The following SORCS2 variants were observed in gnomAD, a reference collection of about 807,000 sequenced individuals.
SORCS2 encodes the protein VPS10 domain-containing receptor SorCS2.
Under a neutral mutation model 141.6 loss-of-function variants are expected in SORCS2, and 100 were observed. The ratio of observed to expected loss-of-function variants is 0.71; its 90% confidence interval spans 0.60 to 0.83. The LOEUF (loss-of-function observed/expected upper bound fraction) is 0.83. Ranked by LOEUF, SORCS2 falls within the 40% of genes least tolerant of loss-of-function variation. The pLI, the probability that SORCS2 is intolerant of heterozygous loss-of-function variation, is 0.00. For missense variants in SORCS2, 1,646 were observed against 1,560.2 expected (o/e 1.05, Z -0.93); for synonymous variants, 789 against 676.9 (o/e 1.17, Z -2.57).
chr4:7,572,306 A>G (rs1426697588), intron 3 of SORCS2, among the ~76,000 whole-genome samples: 4 of 152,172 alleles, frequency 2.6e-5, no homozygotes, highest in African/African-American at 4.8e-5. Flanking sequence ...TATATATATG[A>G]TATTAACATA....
At chr4:7,621,585 TTATGTGTGTGTC>T (rs1421818226) in intron 3 of SORCS2, among the ~76,000 whole-genome samples, 2 of 151,724 alleles carry the variant, frequency 1.3e-5, no homozygotes, top group Non-Finnish European at 2.9e-5. Flanking sequence ...ATGTGTGTGT[TTATGTGTGTGTC>T]TATGTGTGTG....
At chr4:7,299,487 A>C (rs1287536125) in intron 1 of SORCS2, among the ~76,000 whole-genome samples, 1 of 152,224 alleles carries the variant, frequency 6.6e-6, no homozygotes, top group Non-Finnish European at 1.5e-5. Flanking sequence ...GAACAGCTGG[A>C]GATATCTTCT....
In SORCS2 at chr4:7,370,647, G is replaced by A. The variant is rs147691188; in HGVS notation, c.481-25641G>A. On this transcript the variant is annotated intron_variant, in intron 1 of 26. Coordinates refer to ENST00000507866, the MANE Select transcript of SORCS2 (RefSeq NM_020777.3). ...CCTTGTGGGGCTCTTCCCCTGGCGC[G>A]GCCCCTGCCTGCCGGTGGCGGGGTG... 3.3e-5 allele frequency among the ~76,000 whole-genome samples: 5 copies of A among 152,302 alleles called. No homozygotes were observed. The East Asian group carries it at 7.7e-4, about 24-fold the overall frequency.
Position 7,426,817 on chromosome 4 carries a change from G to A in SORCS2, c.548+30462G>A, listed in dbSNP as rs565818248. On this transcript the variant is annotated intron_variant, in intron 2 of 26. Coordinates refer to ENST00000507866, the MANE Select transcript of SORCS2 (RefSeq NM_020777.3). ...TGGTGAGGCGAGGCCCTCCCGCACC[G>A]GCAGTGAAGCCCGTGTTTCTCTGCA... Among the ~76,000 whole-genome samples the A allele has an allele frequency of 7.2e-5, 11 of 152,282 alleles. No homozygotes were observed. In the South Asian group the frequency reaches 1.7e-3, roughly 23 times the overall value.
At chr4:7,473,386 A>G (rs1331405011) in intron 2 of SORCS2, among the ~76,000 whole-genome samples, 2 of 152,070 alleles carry the variant, frequency 1.3e-5, no homozygotes, top group African/African-American at 2.4e-5. Context: ...GATTGGGTAT[A>G]CGGATGCCCA....
At chr4:7,440,656 C>G (rs61365943) in intron 2 of SORCS2, among the ~76,000 whole-genome samples, 69,784 of 152,076 alleles carry the variant, frequency 0.46, 16,324 homozygotes, top group Middle Eastern at 0.54. Context: ...TCTCCCATCC[C>G]CTCTGCCTGG....
At chr4:7,712,951 C>T (rs1361441887) in intron 15 of SORCS2, 98 bp downstream of exon 15, 2 of 1,486,428 alleles carry the variant, frequency 1.3e-6, no homozygotes. Context: ...GGCCGCAGGG[C>T]ACCTCCCCGC....
intron 6 of SORCS2, among the ~76,000 whole-genome samples, chr4:7,662,017 G>T (rs948150519): frequency 1.3e-5 from 2 of 152,186 alleles, no homozygotes; most frequent in African/African-American, 2.4e-5. Flanking sequence ...ACCTGAGCCA[G>T]GATGTGTCCC....
intron 1 of SORCS2, among the ~76,000 whole-genome samples, chr4:7,308,246 G>C (rs1317038206): frequency 6.6e-6 from 1 of 152,180 alleles, no homozygotes; most frequent in Non-Finnish European, 1.5e-5. Flanking sequence ...ATGGAGGTCA[G>C]TGCCCGGTGG....
At chr4:7,630,502 T>C (rs1461610495) in intron 3 of SORCS2, among the ~76,000 whole-genome samples, 2 of 152,178 alleles carry the variant, frequency 1.3e-5, no homozygotes, top group African/African-American at 2.4e-5. Context: ...CAAGGCCACA[T>C]CTCAGTGGGA....
intron 1 of SORCS2, among the ~76,000 whole-genome samples, chr4:7,341,323 C>G (rs892566973): frequency 1.3e-5 from 2 of 152,224 alleles, no homozygotes; most frequent in Non-Finnish European, 2.9e-5. Context: ...TTGGCCTGTT[C>G]AAGGCCCAGC....
intron 1 of SORCS2, among the ~76,000 whole-genome samples, chr4:7,258,106 G>C (rs1248997123): frequency 6.6e-6 from 1 of 152,056 alleles, no homozygotes; most frequent in Non-Finnish European, 1.5e-5. Context: ...TGACTCCTTG[G>C]CTCTGTCCAC....
intron 5 of SORCS2, among the ~76,000 whole-genome samples, chr4:7,657,594 C>T (rs376564238): frequency 1.3e-5 from 2 of 151,472 alleles, no homozygotes; most frequent in Admixed American, 6.6e-5. Context: ...AATGAATGAG[C>T]GGGTGAGTGA....
intron 3 of SORCS2, among the ~76,000 whole-genome samples, chr4:7,602,183 G>A (rs1451645149): frequency 6.6e-6 from 1 of 152,342 alleles, no homozygotes; most frequent in Admixed American, 6.5e-5. Context: ...GGGCTGCTGG[G>A]TACACCTCCC....
At chr4:7,459,792 C>A (rs1419353865) in intron 2 of SORCS2, among the ~76,000 whole-genome samples, 2 of 152,196 alleles carry the variant, frequency 1.3e-5, no homozygotes, top group South Asian at 4.1e-4. Flanking sequence ...GGTTCAGGAG[C>A]CTTGAGGGTC....
chr4:7,305,118 G>A (rs1717701596), intron 1 of SORCS2, among the ~76,000 whole-genome samples: 1 of 149,780 alleles, frequency 6.7e-6, no homozygotes, highest in Non-Finnish European at 1.5e-5. Flanking sequence ...TGCAAGCTCC[G>A]CCTCCCGGGT....
chr4:7,490,688 A>G (rs1198726212), intron 2 of SORCS2, among the ~76,000 whole-genome samples: 1 of 152,140 alleles, frequency 6.6e-6, no homozygotes, highest in Non-Finnish European at 1.5e-5. Flanking sequence ...CAGCAGGGGT[A>G]TCCAGTGAAA....
chr4:7,409,761 C>A (rs895005973), intron 2 of SORCS2, among the ~76,000 whole-genome samples: 5 of 152,200 alleles, frequency 3.3e-5, no homozygotes, highest in Non-Finnish European at 7.3e-5. Flanking sequence ...CTTTTCACTT[C>A]TCTGTGGCTC....
intron 3 of SORCS2, among the ~76,000 whole-genome samples, chr4:7,636,995 C>G (rs1720299502): frequency 6.6e-6 from 1 of 152,054 alleles, no homozygotes; most frequent in African/African-American, 2.4e-5. Context: ...AGATGTGTCC[C>G]CTGTCTCTGC....
Sources: gnomAD v4.1 joint callset for allele counts (sites outside exome capture counted in the v4.1 genomes callset) on GRCh38, gnomAD v4.1.1 for gene constraint, MANE v1.5 for transcripts, NCBI Gene and HGNC (gene_info 2026-07-23, HGNC 2026-07-21) for gene names.